CDH13: variants seen among roughly 807,000 people sequenced by gnomAD.
CDH13 encodes the protein cadherin 13.
A neutral mutation model predicts 63.8 loss-of-function variants in CDH13; 24 were observed. That is an observed-to-expected ratio of 0.38 (90% confidence interval 0.27 to 0.53). CDH13 has a LOEUF of 0.53. CDH13 is among the 20% of genes least tolerant of loss of function. The pLI is 0.85. For synonymous variants in CDH13, 503 were observed against 355.3 expected, an observed-to-expected ratio of 1.42 and a Z score of -4.67; for missense variants, 1,049 against 903.1, an observed-to-expected ratio of 1.16 and a Z score of -2.07.
intron 5 of CDH13, among the ~76,000 whole-genome samples, chr16:83,286,824 C>G (rs1031392199): frequency 6.7e-6 from 1 of 150,232 alleles, no homozygotes; most frequent in Non-Finnish European, 1.5e-5. Flanking sequence ...ATATTTACAT[C>G]TATCTATCTA....
chr16:82,900,046 C>T (rs2041410760), intron 2 of CDH13, among the ~76,000 whole-genome samples: 2 of 152,218 alleles, frequency 1.3e-5, no homozygotes, highest in Non-Finnish European at 2.9e-5. Flanking sequence ...CTCTCTCTCT[C>T]TCTTGCTTTC....
At chr16:83,171,484 T>A (rs926834009) in intron 4 of CDH13, 5 of 1,509,948 alleles carry the variant, frequency 3.3e-6, no homozygotes, top group East Asian at 4.9e-5. Context: ...ACTCATTCTA[T>A]GAAAATAGAC....
chr16:83,095,950 C>T (rs995338751), intron 3 of CDH13, among the ~76,000 whole-genome samples: 159 of 152,282 alleles, frequency 1.0e-3, no homozygotes, highest in African/African-American at 3.7e-3. Context: ...TGTTCAAGTT[C>T]ACCGGAAGGC....
At chr16:83,711,594 C>T (rs1405182631) in intron 10 of CDH13, among the ~76,000 whole-genome samples, 7 of 152,216 alleles carry the variant, frequency 4.6e-5, no homozygotes, top group Non-Finnish European at 1.0e-4. Flanking sequence ...TGACTCACCA[C>T]AACCTCTGCC....
At chr16:82,694,965 G>T (rs1464004933) in intron 1 of CDH13, among the ~76,000 whole-genome samples, 1 of 152,162 alleles carries the variant, frequency 6.6e-6, no homozygotes, top group African/African-American at 2.4e-5. Context: ...ATGGAGCTAA[G>T]ATTTGAAGGA....
At chr16:83,046,958 C>T (rs997333723) in intron 3 of CDH13, among the ~76,000 whole-genome samples, 3 of 152,178 alleles carry the variant, frequency 2.0e-5, no homozygotes, top group East Asian at 1.9e-4. Context: ...TGTCTCCTGC[C>T]TCCCAGCTGT....
At position 83,675,114 on chromosome 16, in the gene CDH13, C is replaced by A. The variant is rs550345649; in HGVS notation, c.1285-3094C>A. On this transcript the variant is annotated intron_variant, in intron 9 of 13. Coordinates refer to ENST00000567109, the MANE Select transcript of CDH13 (RefSeq NM_001257.5). ...TGAATTGCCTCTCTGTAGCTTCCATCAGGAGTATTTTCAATTTCCTCCTGT... is the reference window on the plus strand; with the variant it reads ...TGAATTGCCTCTCTGTAGCTTCCATAAGGAGTATTTTCAATTTCCTCCTGT... Among the ~76,000 whole-genome samples the A allele has an allele frequency of 1.2e-4, 18 of 152,300 alleles. No homozygotes were observed. In the South Asian group the frequency reaches 3.5e-3, roughly 30 times the overall value.
chr16:83,512,796 C>T (rs2074604112), intron 7 of CDH13, among the ~76,000 whole-genome samples: 1 of 152,088 alleles, frequency 6.6e-6, no homozygotes. Flanking sequence ...AGCCACATCC[C>T]CTGAGATCCT....
At chr16:82,833,287 C>G (rs1220406871) in intron 1 of CDH13, among the ~76,000 whole-genome samples, 2 of 152,212 alleles carry the variant, frequency 1.3e-5, no homozygotes, top group Non-Finnish European at 2.9e-5. Flanking sequence ...CTTCTTTCAT[C>G]CTTCGAATGA....
chr16:83,394,845 G>T (rs2091855105), intron 6 of CDH13, among the ~76,000 whole-genome samples: 1 of 152,050 alleles, frequency 6.6e-6, no homozygotes, highest in South Asian at 2.1e-4. Context: ...TGTGGTTCAA[G>T]AGAAAGAAAA....
At chr16:82,794,975 C>A (rs893019082) in intron 1 of CDH13, among the ~76,000 whole-genome samples, 4 of 152,176 alleles carry the variant, frequency 2.6e-5, no homozygotes, top group African/African-American at 9.6e-5. Flanking sequence ...TCCTCCCAGT[C>A]CTGAGAGATT....
At chr16:82,830,754 A>G (rs1476440352) in intron 1 of CDH13, among the ~76,000 whole-genome samples, 3 of 152,238 alleles carry the variant, frequency 2.0e-5, no homozygotes, top group African/African-American at 7.2e-5. Flanking sequence ...TGTTTTATGC[A>G]TAAAAGAAGG....
chr16:83,361,361 A>G (rs1047987186), intron 6 of CDH13, among the ~76,000 whole-genome samples: 24 of 152,084 alleles, frequency 1.6e-4, no homozygotes, highest in Non-Finnish European at 7.4e-5. Context: ...ATTTGTGAAT[A>G]TTTTCTCCCA....
chr16:83,207,781 C>T (rs114861094), intron 4 of CDH13, among the ~76,000 whole-genome samples: 2,723 of 146,158 alleles, frequency 0.019, 73 homozygotes, highest in African/African-American at 0.064. Flanking sequence ...AAAAAAAAGA[C>T]TGAAGCCTAG....
intron 5 of CDH13, among the ~76,000 whole-genome samples, chr16:83,319,057 A>G (rs960953301): frequency 6.6e-6 from 1 of 151,736 alleles, no homozygotes; most frequent in African/African-American, 2.4e-5. Flanking sequence ...ACGCAGTAAA[A>G]TAGATGCACC....
At chr16:83,444,790 T>A (rs2072618742) in intron 6 of CDH13, among the ~76,000 whole-genome samples, 1 of 520 alleles carries the variant, frequency 1.9e-3, no homozygotes. Flanking sequence ...TAATATTCTG[T>A]TCGAAATGAA....
At chr16:82,691,432 G>A (rs1177441471) in intron 1 of CDH13, among the ~76,000 whole-genome samples, 1 of 152,070 alleles carries the variant, frequency 6.6e-6, no homozygotes, top group Admixed American at 6.6e-5. Context: ...TTGGTGAATG[G>A]GTGTCCCAGC....
chr16:83,275,767 T>C (rs1175767677), intron 5 of CDH13, among the ~76,000 whole-genome samples: 1 of 152,104 alleles, frequency 6.6e-6, no homozygotes, highest in Admixed American at 6.5e-5. Flanking sequence ...TTATGGGAAT[T>C]AAACCTTCCA....
At chr16:83,539,816 A>C (rs1474629218) in intron 7 of CDH13, among the ~76,000 whole-genome samples, 1 of 152,168 alleles carries the variant, frequency 6.6e-6, no homozygotes, top group African/African-American at 2.4e-5. Flanking sequence ...CCAGAGGAGG[A>C]ATGGTTCTAG....
Sources: allele counts gnomAD v4.1 joint callset (sites outside exome capture counted in the v4.1 genomes callset), GRCh38; gene constraint gnomAD v4.1.1; transcripts MANE v1.5; gene names NCBI Gene and HGNC (gene_info 2026-07-23, HGNC 2026-07-21).